Variants in KCNMA1 observed in about 807,000 individuals in gnomAD.
The protein encoded by KCNMA1 is Calcium-activated potassium channel subunit alpha-1.
KCNMA1 carries 29 observed loss-of-function variants against 140.0 expected under a neutral mutation model. The ratio of observed to expected loss-of-function variants is 0.21; its 90% CI spans 0.15 to 0.28. The LOEUF (loss-of-function observed/expected upper bound fraction) is 0.28. Among genes scored for constraint, KCNMA1 ranks in the 10% least tolerant of loss-of-function variants. The probability of loss-of-function intolerance (pLI) is 1.00; values close to 1 mark genes in which losing one functional copy is unlikely to be tolerated. For missense variants in KCNMA1, 880 were observed against 1,602.2 expected (o/e 0.55, Z 7.70); for synonymous variants, 612 against 611.9 (o/e 1.00, Z 0.00).
rs548838047 is a variant in KCNMA1 at position 77,375,535 on chromosome 10, G to A, written c.540+28327C>T. ...AGAGTCCTCCATAATAGCATCCACC[G>A]CACTGCAGTCAGGGCAACAGCACTG... On this transcript the variant is annotated intron_variant, in intron 2 of 27. Coordinates refer to ENST00000286628, the MANE Select transcript of KCNMA1 (RefSeq NM_001161352.2). 7.9e-4 allele frequency among the ~76,000 whole-genome samples: 121 copies of A among 152,284 alleles called. 1 individual carries two copies. The highest frequency in any genetic ancestry group is 2.8e-3 in the African/African-American group (118 of 41,556).
At chr10:77,098,193 T>C (rs2096987071) in intron 9 of KCNMA1, among the ~76,000 whole-genome samples, 1 of 152,190 alleles carries the variant, frequency 6.6e-6, no homozygotes, top group Non-Finnish European at 1.5e-5. Flanking sequence ...AGTCCAAGTC[T>C]TTAAATTCTG....
At chr10:77,034,852 T>C (rs942884836) in intron 15 of KCNMA1, among the ~76,000 whole-genome samples, 2 of 152,234 alleles carry the variant, frequency 1.3e-5, no homozygotes, top group Non-Finnish European at 2.9e-5. Context: ...CTGTAAAACC[T>C]GATACAATTA....
intron 5 of KCNMA1, among the ~76,000 whole-genome samples, chr10:77,164,474 A>G (rs2098609976): frequency 6.6e-6 from 1 of 151,966 alleles, no homozygotes; most frequent in Admixed American, 6.6e-5. Context: ...ACACAAACTC[A>G]TAATTCACCC....
chr10:77,240,481 TCCTGGC>T (rs1183591406), intron 3 of KCNMA1, among the ~76,000 whole-genome samples: 1 of 152,166 alleles, frequency 6.6e-6, no homozygotes, highest in African/African-American at 2.4e-5. Context: ...TAAGAACGTT[TCCTGGC>T]ACTCAGGGAG....
At chr10:76,961,579 A>G (rs943514341) in intron 20 of KCNMA1, among the ~76,000 whole-genome samples, 13 of 152,218 alleles carry the variant, frequency 8.5e-5, no homozygotes, top group African/African-American at 3.1e-4. Flanking sequence ...ATGCTATCCA[A>G]CAGCATCACA....
intron 1 of KCNMA1, among the ~76,000 whole-genome samples, chr10:77,518,001 C>G (rs1381292357): frequency 6.6e-6 from 1 of 152,112 alleles, no homozygotes; most frequent in Admixed American, 6.5e-5. Context: ...CAAGGAAACT[C>G]TCCAGCAGCC....
At chr10:77,608,719 C>T (rs966490574) in intron 1 of KCNMA1, among the ~76,000 whole-genome samples, 2 of 152,180 alleles carry the variant, frequency 1.3e-5, no homozygotes, top group Non-Finnish European at 2.9e-5. Flanking sequence ...CTGTTATAGA[C>T]ACTTGCATTG....
chr10:76,891,936 A>G (rs1414101802), intron 25 of KCNMA1, among the ~76,000 whole-genome samples: 2 of 152,128 alleles, frequency 1.3e-5, no homozygotes, highest in Non-Finnish European at 2.9e-5. Context: ...CTGACTTAAA[A>G]AACCCAGTTC....
intron 1 of KCNMA1, among the ~76,000 whole-genome samples, chr10:77,472,092 ACAC>A (rs1392857477): frequency 6.6e-6 from 1 of 151,390 alleles, no homozygotes; most frequent in Non-Finnish European, 1.5e-5. Context: ...CCACACACAC[ACAC>A]CACATAAATA....
intron 23 of KCNMA1, among the ~76,000 whole-genome samples, chr10:76,916,688 G>T (rs897278558): frequency 1.4e-4 from 21 of 152,180 alleles, no homozygotes; most frequent in East Asian, 5.8e-4. Context: ...AGATTATTAT[G>T]TGACCAGATA....
At chr10:77,476,230 T>C (rs1205291729) in intron 1 of KCNMA1, among the ~76,000 whole-genome samples, 1 of 152,118 alleles carries the variant, frequency 6.6e-6, no homozygotes, top group Non-Finnish European at 1.5e-5. Flanking sequence ...GGACAATTTA[T>C]AATTAGCACA....
chr10:77,344,416 C>T (rs1346342699), intron 2 of KCNMA1, among the ~76,000 whole-genome samples: 4 of 152,150 alleles, frequency 2.6e-5, no homozygotes, highest in East Asian at 1.9e-4. Context: ...ACCTTGGGTA[C>T]TGAAAACATG....
intron 2 of KCNMA1, among the ~76,000 whole-genome samples, chr10:77,335,017 G>A (rs2088285835): frequency 6.6e-6 from 1 of 152,128 alleles, no homozygotes; most frequent in Non-Finnish European, 1.5e-5. Context: ...CCACATATTG[G>A]ACCCTCAGGG....
intron 3 of KCNMA1, among the ~76,000 whole-genome samples, chr10:77,204,611 A>T (rs998724822): frequency 1.3e-5 from 2 of 152,158 alleles, no homozygotes; most frequent in African/African-American, 4.8e-5. Context: ...TAAATTAATA[A>T]ACCAAGCTTG....
chr10:77,383,894 T>TG (rs1269466070), intron 2 of KCNMA1, among the ~76,000 whole-genome samples: 1 of 152,174 alleles, frequency 6.6e-6, no homozygotes, highest in African/African-American at 2.4e-5. Context: ...AGATGCTCAC[T>TG]GACCACCGGT....
chr10:77,132,593 C>T (rs995368554), intron 5 of KCNMA1, among the ~76,000 whole-genome samples: 4 of 148,876 alleles, frequency 2.7e-5, no homozygotes, highest in African/African-American at 7.4e-5. Context: ...GGCGCGATCT[C>T]GGCTCACTGC....
intron 2 of KCNMA1, among the ~76,000 whole-genome samples, chr10:77,394,862 G>C (rs182323): frequency 7.2e-5 from 11 of 152,168 alleles, no homozygotes; most frequent in Non-Finnish European, 1.5e-4. Flanking sequence ...AATTATTTTA[G>C]GCTGGTGGGT....
intron 1 of KCNMA1, among the ~76,000 whole-genome samples, chr10:77,568,294 T>C (rs2069193018): frequency 6.6e-6 from 1 of 152,180 alleles, no homozygotes; most frequent in South Asian, 2.1e-4. Context: ...GAGAGAATTT[T>C]AGACCAATAT....
At chr10:77,262,077 G>A (rs544936525) in intron 2 of KCNMA1, among the ~76,000 whole-genome samples, 1 of 152,264 alleles carries the variant, frequency 6.6e-6, no homozygotes, top group South Asian at 2.1e-4. Flanking sequence ...TACATTAAAG[G>A]CAAAACTGGA....
Sources: gnomAD v4.1 joint callset for allele counts (sites outside exome capture counted in the v4.1 genomes callset) on GRCh38, gnomAD v4.1.1 for gene constraint, MANE v1.5 for transcripts, NCBI Gene and HGNC (gene_info 2026-07-23, HGNC 2026-07-21) for gene names.